Variants in NYAP2 observed in about 807,000 individuals in gnomAD.
The protein encoded by NYAP2 is neuronal tyrosine-phosphorylated phosphoinositide-3-kinase adapter 2.
NYAP2 carries 23 observed loss-of-function variants against 50.4 expected under a neutral mutation model. That is an observed-to-expected ratio of 0.46 (90% confidence interval 0.33 to 0.65). The LOEUF is 0.65. Among genes scored for constraint, NYAP2 ranks in the 30% least tolerant of loss-of-function variants. The pLI is 0.02. For missense variants in NYAP2, 885 were observed against 861.0 expected, an observed-to-expected ratio of 1.03 and a Z score of -0.35; for synonymous variants, 394 against 365.2, an observed-to-expected ratio of 1.08 and a Z score of -0.90.
At chr2:225,489,231 C>T (rs191969867) in intron 3 of NYAP2, among the ~76,000 whole-genome samples, 11 of 151,728 alleles carry the variant, frequency 7.2e-5, no homozygotes, top group Admixed American at 1.3e-4. Context: ...TGCTTTGTCA[C>T]CCAGGCTGGA....
At chr2:225,650,423 T>G (rs1051881143) in intron 6 of NYAP2, among the ~76,000 whole-genome samples, 2 of 152,196 alleles carry the variant, frequency 1.3e-5, no homozygotes, top group African/African-American at 2.4e-5. Flanking sequence ...AGTTGTTCGA[T>G]GAGTTTAATT....
chr2:225,626,075 G>A (rs1488185381), intron 5 of NYAP2, among the ~76,000 whole-genome samples: 1 of 152,216 alleles, frequency 6.6e-6, no homozygotes, highest in African/African-American at 2.4e-5. Context: ...TTTCTAGCTT[G>A]GATAGTTGGT....
the NYAP2 span, among the ~76,000 whole-genome samples, chr2:225,667,479 G>A: frequency 1.3e-5 from 2 of 152,158 alleles, no homozygotes; most frequent in Admixed American, 6.5e-5. Context: ...AGGGGATGAA[G>A]AGCATGTGGT....
intron 4 of NYAP2, among the ~76,000 whole-genome samples, chr2:225,574,465 C>T (rs1054029953): frequency 1.3e-5 from 2 of 152,164 alleles, no homozygotes; most frequent in African/African-American, 4.8e-5. Context: ...GCTCTCTAAG[C>T]TCTTGAATCT....
At chr2:225,491,297 C>T (rs770971914) in intron 3 of NYAP2, among the ~76,000 whole-genome samples, 2 of 152,152 alleles carry the variant, frequency 1.3e-5, no homozygotes, top group Non-Finnish European at 2.9e-5. Context: ...TTAGTGAATT[C>T]CTTAGCCTGG....
downstream of NYAP2, among the ~76,000 whole-genome samples, chr2:225,657,563 C>T (rs1361680484): frequency 6.9e-5 from 9 of 131,120 alleles, no homozygotes; most frequent in Non-Finnish European, 3.2e-5. Flanking sequence ...AAATCTCTTT[C>T]AATTTTGCTG....
the NYAP2 span, among the ~76,000 whole-genome samples, chr2:225,693,038 T>C: frequency 6.6e-6 from 1 of 152,088 alleles, no homozygotes; most frequent in Non-Finnish European, 1.5e-5. Context: ...TATCTTACAT[T>C]ACCATGGTTC....
chr2:225,535,166 C>T (rs1438332997), intron 4 of NYAP2, among the ~76,000 whole-genome samples: 3 of 152,218 alleles, frequency 2.0e-5, no homozygotes, highest in Non-Finnish European at 4.4e-5. Context: ...GCCACCTGCA[C>T]TGCAGAAGCT....
chr2:225,405,712 G>T (rs1381753771), intron 2 of NYAP2, among the ~76,000 whole-genome samples: 1 of 151,912 alleles, frequency 6.6e-6, no homozygotes, highest in African/African-American at 2.4e-5. Flanking sequence ...GAAGGGTGGA[G>T]ACCTAGGGTT....
intron 4 of NYAP2, among the ~76,000 whole-genome samples, chr2:225,528,576 G>C (rs1313038362): frequency 6.6e-6 from 1 of 152,190 alleles, no homozygotes; most frequent in Non-Finnish European, 1.5e-5. Flanking sequence ...ATTAAAATTA[G>C]AGTGTGCATA....
chr2:225,452,526 A>T (rs1223625122), intron 3 of NYAP2, among the ~76,000 whole-genome samples: 2 of 152,130 alleles, frequency 1.3e-5, no homozygotes, highest in Non-Finnish European at 1.5e-5. Flanking sequence ...CTTCCTCTGT[A>T]ACTTCTTCAC....
At chr2:225,644,739 A>T (rs1292395849) in intron 6 of NYAP2, among the ~76,000 whole-genome samples, 1 of 147,648 alleles carries the variant, frequency 6.8e-6, no homozygotes, top group Non-Finnish European at 1.5e-5. Context: ...TTTGTCAAAG[A>T]TCAGATAGTT....
intron 4 of NYAP2, among the ~76,000 whole-genome samples, chr2:225,568,841 T>G (rs1209749402): frequency 6.6e-6 from 1 of 152,114 alleles, no homozygotes; most frequent in Non-Finnish European, 1.5e-5. Flanking sequence ...CACAAAGAAG[T>G]CAGCATTGTA....
At chr2:225,558,855 A>T (rs1179382479) in intron 4 of NYAP2, among the ~76,000 whole-genome samples, 4 of 152,144 alleles carry the variant, frequency 2.6e-5, no homozygotes, top group African/African-American at 4.8e-5. Flanking sequence ...GGGCAAGAAG[A>T]ACACTCATGT....
the NYAP2 span, among the ~76,000 whole-genome samples, chr2:225,671,764 C>A: frequency 6.6e-6 from 1 of 152,012 alleles, no homozygotes; most frequent in Non-Finnish European, 1.5e-5. Context: ...ATTTCAAAGT[C>A]AAAATTACTC....
intron 3 of NYAP2, among the ~76,000 whole-genome samples, chr2:225,423,684 A>G (rs778875560): frequency 8.5e-5 from 13 of 152,168 alleles, no homozygotes; most frequent in South Asian, 2.1e-4. Flanking sequence ...ATGTTACCTC[A>G]GTCACATAGA....
intron 5 of NYAP2, among the ~76,000 whole-genome samples, chr2:225,598,003 T>A (rs1692635091): frequency 6.6e-6 from 1 of 152,184 alleles, no homozygotes; most frequent in Non-Finnish European, 1.5e-5. Flanking sequence ...AAGTGAATCA[T>A]TCTACGACCT....
At chr2:225,479,027 T>C (rs977168123) in intron 3 of NYAP2, among the ~76,000 whole-genome samples, 2 of 152,158 alleles carry the variant, frequency 1.3e-5, no homozygotes, top group Admixed American at 1.3e-4. Context: ...TGTTAATATG[T>C]TTTAAAATTG....
intron 4 of NYAP2, among the ~76,000 whole-genome samples, chr2:225,578,278 T>C (rs1692203530): frequency 6.6e-6 from 1 of 151,848 alleles, no homozygotes; most frequent in Non-Finnish European, 1.5e-5. Context: ...GAAAAAGGAC[T>C]GGAGGGGAAA....
Sources: allele counts gnomAD v4.1 joint callset (sites outside exome capture counted in the v4.1 genomes callset), GRCh38; gene constraint gnomAD v4.1.1; transcripts MANE v1.5; gene names NCBI Gene and HGNC (gene_info 2026-07-23, HGNC 2026-07-21).